PTBP3: variants seen among roughly 807,000 people sequenced by gnomAD.
PTBP3 encodes the protein polypyrimidine tract-binding protein 3.
A neutral mutation model predicts 58.7 loss-of-function variants in PTBP3; 20 were observed. The ratio of observed to expected loss-of-function variants is 0.34; its 90% CI spans 0.24 to 0.50. The LOEUF is 0.50. Ranked by LOEUF, PTBP3 falls within the 20% of genes least tolerant of loss-of-function variation. PTBP3 has a pLI of 0.98. For synonymous variants in PTBP3, 185 were observed against 219.8 expected (o/e 0.84, Z 1.40); for missense variants, 509 against 637.2 (o/e 0.80, Z 2.17).
the PTBP3 span, among the ~76,000 whole-genome samples, chr9:112,357,698 T>C: frequency 6.6e-6 from 1 of 152,030 alleles, no homozygotes; most frequent in African/African-American, 2.4e-5. Flanking sequence ...CAGGAACCAG[T>C]TCAGGATTAT....
chr9:112,238,517 G>C (rs1835520679), intron 7 of PTBP3, among the ~76,000 whole-genome samples: 1 of 152,004 alleles, frequency 6.6e-6, no homozygotes, highest in Non-Finnish European at 1.5e-5. Context: ...ATATATGAAA[G>C]GATAATTTCT....
At chr9:112,332,593 C>T (rs867600747) in intron 1 of PTBP3, among the ~76,000 whole-genome samples, 1 of 152,054 alleles carries the variant, frequency 6.6e-6, no homozygotes, top group African/African-American at 2.4e-5. Context: ...TCAATTAATT[C>T]ACCAAAATCC....
intron 1 of PTBP3, among the ~76,000 whole-genome samples, chr9:112,303,692 C>CTTG (rs1829046732): frequency 6.6e-6 from 1 of 151,600 alleles, no homozygotes; most frequent in Non-Finnish European, 1.5e-5. Context: ...GGTGAAACCC[C>CTTG]GTCTCTACTA....
At chr9:112,274,676 T>A (rs1404147354) in intron 3 of PTBP3, among the ~76,000 whole-genome samples, 4 of 152,164 alleles carry the variant, frequency 2.6e-5, no homozygotes, top group African/African-American at 7.2e-5. Context: ...CACATATTAA[T>A]TCTATACCTA....
the PTBP3 span, among the ~76,000 whole-genome samples, chr9:112,343,994 AT>A: frequency 1.3e-5 from 2 of 149,232 alleles, no homozygotes; most frequent in Non-Finnish European, 3.0e-5. Context: ...ACACACACAC[AT>A]TTTTTTTTCT....
intron 1 of PTBP3, among the ~76,000 whole-genome samples, chr9:112,299,256 T>C (rs1828815178): frequency 6.6e-6 from 1 of 152,218 alleles, no homozygotes; most frequent in African/African-American, 2.4e-5. Flanking sequence ...CAAGTTAATA[T>C]AAAGTTAGAA....
At chr9:112,234,931 A>G (rs796810063) in intron 7 of PTBP3, 34 bp from the exon 8 acceptor site, 1 of 1,526,376 alleles carries the variant, frequency 6.6e-7, no homozygotes, top group African/African-American at 1.4e-5. Flanking sequence ...TAAACACACT[A>G]CCTTCTATAA....
intron 5 of PTBP3, among the ~76,000 whole-genome samples, chr9:112,260,555 T>C (rs1054769115): frequency 1.1e-4 from 16 of 152,002 alleles, no homozygotes; most frequent in Admixed American, 2.6e-4. Context: ...TCCTGCCAGG[T>C]GACTACCTGG....
chr9:112,260,068 C>T (rs576276832), intron 5 of PTBP3, among the ~76,000 whole-genome samples: 1 of 152,062 alleles, frequency 6.6e-6, no homozygotes, highest in African/African-American at 2.4e-5. Flanking sequence ...CCAGCACACC[C>T]GGCTAATTTT....
At chr9:112,288,487 G>A (rs1828238664) in intron 2 of PTBP3, among the ~76,000 whole-genome samples, 1 of 152,084 alleles carries the variant, frequency 6.6e-6, no homozygotes, top group Non-Finnish European at 1.5e-5. Flanking sequence ...CTTCAACTCA[G>A]CAATTGTGCC....
At chr9:112,227,078 G>C (rs368843039) in intron 12 of PTBP3, among the ~76,000 whole-genome samples, 1 of 152,126 alleles carries the variant, frequency 6.6e-6, no homozygotes, top group Admixed American at 6.5e-5. Flanking sequence ...ATTGGTTAAC[G>C]TAAGAGTCAT....
intron 2 of PTBP3, among the ~76,000 whole-genome samples, chr9:112,278,570 G>A (rs1260026272): frequency 6.6e-6 from 1 of 152,162 alleles, no homozygotes; most frequent in Non-Finnish European, 1.5e-5. Context: ...TACCGAACAA[G>A]TTACCCAAGC....
At chr9:112,336,908 C>T (rs550683409), upstream of PTBP3, among the ~76,000 whole-genome samples, 24 of 152,318 alleles carry the variant, frequency 1.6e-4, no homozygotes, top group Middle Eastern at 3.4e-3. Context: ...CCTAAATACT[C>T]AATGTCCAGC....
intron 2 of PTBP3, among the ~76,000 whole-genome samples, chr9:112,294,570 A>C (rs991063674): frequency 8.5e-5 from 13 of 152,324 alleles, no homozygotes; most frequent in Non-Finnish European, 1.5e-4. Flanking sequence ...TTAAAAGATT[A>C]AATAATAAAG....
chr9:112,318,049 A>C (rs985631510), intron 1 of PTBP3, among the ~76,000 whole-genome samples: 5 of 152,206 alleles, frequency 3.3e-5, no homozygotes, highest in African/African-American at 1.2e-4. Context: ...TCCAACACCC[A>C]TTAATGTTAC....
chr9:112,280,852 A>AT (rs1286280090), intron 2 of PTBP3: 10 of 36,942 alleles, frequency 2.7e-4, no homozygotes, highest in Admixed American at 1.9e-3. Context: ...GAGAGATACA[A>AT]CATTTACATA....
intron 7 of PTBP3, among the ~76,000 whole-genome samples, chr9:112,248,149 CA>C (rs1835960098): frequency 6.6e-6 from 1 of 152,018 alleles, no homozygotes; most frequent in Non-Finnish European, 1.5e-5. Flanking sequence ...GACCTTATAT[CA>C]CAAAGGATTT....
chr9:112,252,650 T>C, intron 6 of PTBP3, 28 bp downstream of exon 6: 1 of 1,490,488 alleles, frequency 6.7e-7, no homozygotes, highest in Non-Finnish European at 9.4e-7. Flanking sequence ...GATTAACAAT[T>C]GAAAAATGAA....
intron 1 of PTBP3, among the ~76,000 whole-genome samples, chr9:112,305,133 G>C (rs1829118816): frequency 6.6e-6 from 1 of 152,108 alleles, no homozygotes; most frequent in Non-Finnish European, 1.5e-5. Flanking sequence ...GCAAATGACT[G>C]CCTTATTTTA....
Sources: allele counts gnomAD v4.1 joint callset (sites outside exome capture counted in the v4.1 genomes callset), GRCh38; gene constraint gnomAD v4.1.1; transcripts MANE v1.5; gene names NCBI Gene and HGNC (gene_info 2026-07-23, HGNC 2026-07-21).